VWA5A: variants seen among roughly 807,000 people sequenced by gnomAD.
VWA5A encodes the protein von Willebrand factor A domain containing 5A, also known as von Willebrand factor A domain-containing protein 5A.
VWA5A carries 77 observed loss-of-function variants against 84.6 expected under a neutral mutation model. That is an observed-to-expected ratio of 0.91 (90% confidence interval 0.76 to 1.10). The LOEUF (loss-of-function observed/expected upper bound fraction) is 1.10. Ranked by LOEUF, VWA5A falls within the 50% of genes least tolerant of loss-of-function variation. The pLI is 0.00. For synonymous variants in VWA5A, 334 were observed against 350.1 expected (o/e 0.95, Z 0.51); for missense variants, 973 against 963.0 (o/e 1.01, Z -0.14).
chr11:124,141,689 G>A lies in VWA5A; in HGVS notation c.1971G>A (p.Met657Ile), dbSNP rs1246523567. The A allele has an allele frequency of 2.5e-6, 4 of 1,614,028 alleles. No homozygotes were observed. The highest frequency in any genetic ancestry group is 3.4e-6 in the Non-Finnish European group (4 of 1,180,044). ...GTTATAAGGCCAAGACATTCCAGAT[G>A]GACGATTACAGTCTCTGTGGGTTGA... ...LMCYKAKTFQ[M>I]DDYSLCGLIS... The change falls in exon 16 of 19, where the codon ATG becomes ATA. Residue 657 changes from methionine (M) to isoleucine (I), a missense_variant. Coordinates refer to ENST00000456829, the MANE Select transcript of VWA5A (RefSeq NM_001130142.2).
At chr11:124,135,251 G>A (rs1406372610) in intron 12 of VWA5A, among the ~76,000 whole-genome samples, 1 of 152,232 alleles carries the variant, frequency 6.6e-6, no homozygotes. Flanking sequence ...TCTGGTCCCA[G>A]TAGCTGCAAG....
intron 7 of VWA5A, among the ~76,000 whole-genome samples, chr11:124,121,155 T>C (rs1428429707): frequency 6.6e-6 from 1 of 152,192 alleles, no homozygotes; most frequent in African/African-American, 2.4e-5. Flanking sequence ...TACAGATATA[T>C]GACAAAAACA....
chr11:124,127,564 G>T (rs989679703), intron 11 of VWA5A, among the ~76,000 whole-genome samples: 4 of 152,094 alleles, frequency 2.6e-5, no homozygotes, highest in African/African-American at 9.7e-5. Flanking sequence ...TGATATTTCT[G>T]GTTCTAGATC....
Position 124,117,684 on chromosome 11 carries a change from A to G in VWA5A, c.55A>G (p.Ser19Gly), listed in dbSNP as rs1221080576. 1.9e-6 allele frequency: 3 copies of G among 1,614,076 alleles called. No individual in the cohort carries two copies. The South Asian group carries it at 3.3e-5, about 18-fold the overall frequency. Residue 19 changes from serine to glycine, a missense_variant, in exon 4 of 19, where the codon AGT (serine) becomes GGT (glycine). Coordinates refer to ENST00000456829, the MANE Select transcript of VWA5A (RefSeq NM_001130142.2). ...TLHREPVPLK[S>G]ISVSVNIYEF... is the part of the protein sequence containing the mutation. ...TGGTCTATCTCCAGTGCCGCTGAAG[A>G]GTATCTCTGTGAGCGTGAACATTTA...
Position 124,118,291 on chromosome 11 carries a change from C to A in VWA5A, c.349C>A (p.Leu117Ile). Reference protein sequence around the residue: ...RDVFSCNVGNLQPGSKAAVTL... With the variant: ...RDVFSCNVGNIQPGSKAAVTL... The stretch of plus-strand genomic sequence containing the variant: ...TGTCTTCTCTTGCAATGTGGGTAAC[C>A]TCCAACCTGGGTCGAAGGCGGCAGT... The change falls in exon 5 of 19, where the codon CTC becomes ATC. Residue 117 changes from leucine (L) to isoleucine (I), a missense_variant. Leu to Ile is a conservative substitution (Grantham distance 5, BLOSUM62 2). Transcript: ENST00000456829. 1 of 1,614,168 alleles carries A rather than the reference C, an allele frequency of 6.2e-7. No individual in the cohort carries two copies. The highest frequency in any genetic ancestry group is 2.2e-5 in the East Asian group (1 of 44,874).
At chr11:124,122,059 A>G (rs1864940286) in intron 7 of VWA5A, among the ~76,000 whole-genome samples, 2 of 152,246 alleles carry the variant, frequency 1.3e-5, no homozygotes, top group African/African-American at 4.8e-5. Context: ...CCTATGGAGA[A>G]GAAATTAAAC....
Position 124,118,163 on chromosome 11 carries a change from C to A in VWA5A, c.247-26C>A, listed in dbSNP as rs375463518. On this transcript the variant is annotated intron_variant, in intron 4 of 18. Transcript: ENST00000456829. ...GTCACCTTGGATGTTCCCTTTCTTTCCCATCCCTCGCCCTGTGCTTCTCAG... is the reference window on the plus strand; with the variant it reads ...GTCACCTTGGATGTTCCCTTTCTTTACCATCCCTCGCCCTGTGCTTCTCAG... The A allele has an allele frequency of 2.4e-5, 38 of 1,603,494 alleles. No homozygotes were observed. In the Admixed American group the frequency reaches 2.7e-4, roughly 11 times the overall value.
At chr11:124,118,053 C>A in intron 4 of VWA5A, 136 bp from the exon 5 acceptor site, 1 of 1,269,496 alleles carries the variant, frequency 7.9e-7, no homozygotes, top group Non-Finnish European at 1.1e-6. Context: ...GGAAAGAAAT[C>A]AATCAGAGGC....
At chr11:124,139,262 C>T (rs1860680214) in intron 15 of VWA5A, among the ~76,000 whole-genome samples, 1 of 112,792 alleles carries the variant, frequency 8.9e-6, no homozygotes, top group South Asian at 2.7e-4. Context: ...TGTGTGTTTT[C>T]TCAAGGTTAC....
intron 7 of VWA5A, among the ~76,000 whole-genome samples, chr11:124,122,298 G>A (rs1864943798): frequency 6.6e-6 from 1 of 152,134 alleles, no homozygotes; most frequent in South Asian, 2.1e-4. Context: ...CACAGCTGTG[G>A]CTTTGACAAC....
intron 11 of VWA5A, among the ~76,000 whole-genome samples, chr11:124,134,442 G>A (rs1165195358): frequency 1.3e-5 from 2 of 152,140 alleles, no homozygotes; most frequent in African/African-American, 4.8e-5. Context: ...CTAAGGCAGG[G>A]CAAGAACTCT....
chr11:124,142,341 T>C, intron 16 of VWA5A, 101 bp from the exon 17 acceptor site: 1 of 1,468,830 alleles, frequency 6.8e-7, no homozygotes, highest in Non-Finnish European at 9.2e-7. Context: ...ATTGCATTCT[T>C]GCTATGGCCT....
intron 11 of VWA5A, chr11:124,124,673 T>A: frequency 3.5e-6 from 2 of 575,818 alleles, no homozygotes; most frequent in Non-Finnish European, 4.5e-6. Context: ...ATGCACTGTG[T>A]GATCGCCACA....
At chr11:124,125,269 C>T (rs1273418164) in intron 11 of VWA5A, among the ~76,000 whole-genome samples, 5 of 149,750 alleles carry the variant, frequency 3.3e-5, no homozygotes, top group African/African-American at 2.4e-5. Context: ...GTGTGTGTGT[C>T]GTGGTGTCTT....
At position 124,123,009 on chromosome 11, in the gene VWA5A, C is replaced by T. The variant is rs267602752; in HGVS notation, c.810C>T (p.Ile270=). The change falls in exon 8 of 19, where the codon ATC becomes ATT. Residue 270 remains isoleucine, a synonymous_variant. Coordinates refer to ENST00000456829, the MANE Select transcript of VWA5A (RefSeq NM_001130142.2). ...CAATGGTGAGTTTCTATCCAAATAT[C>T]CCAGAAGATCAACCATCAAATACCT... ...PSAMVSFYPN[I]PEDQPSNTCG... is the part of the protein sequence containing the mutation. 6.2e-7 allele frequency: 1 copy of T among 1,614,060 alleles called. No homozygotes were observed. Among genetic ancestry groups the T allele is most frequent in the Non-Finnish European group, 8.5e-7 (1 of 1,179,996 alleles).
intron 11 of VWA5A, among the ~76,000 whole-genome samples, chr11:124,131,588 A>C (rs532182356): frequency 2.0e-5 from 3 of 151,914 alleles, no homozygotes; most frequent in Non-Finnish European, 4.4e-5. Context: ...AGTATTTTTT[A>C]ATAATTTTAT....
chr11:124,122,703 G>A (rs1864949405), intron 7 of VWA5A, among the ~76,000 whole-genome samples: 1 of 152,150 alleles, frequency 6.6e-6, no homozygotes, highest in Admixed American at 6.5e-5. Flanking sequence ...AGTAATCAGT[G>A]ACAATGTTTT....
At chr11:124,123,509 C>CT in intron 9 of VWA5A, 55 bp downstream of exon 9, 1 of 1,604,206 alleles carries the variant, frequency 6.2e-7, no homozygotes, top group Non-Finnish European at 8.5e-7. Context: ...AAGAAAGGGA[C>CT]TAAATTGTTA....
In VWA5A at chr11:124,141,667, A is replaced by G. The variant is rs757270345; in HGVS notation, c.1949A>G (p.Tyr650Cys). Reference sequence around the variant, plus strand: ...CAGCCCAGAGGGGAACTTATGTGTTATAAGGCCAAGACATTCCAGATGGAC... The same window carrying G: ...CAGCCCAGAGGGGAACTTATGTGTTGTAAGGCCAAGACATTCCAGATGGAC... ...ASQPRGELMCYKAKTFQMDDY... is the reference protein window; with the variant it reads ...ASQPRGELMCCKAKTFQMDDY... Residue 650 changes from tyrosine (Y) to cysteine (C), a missense_variant, in exon 16 of 19, where the codon TAT becomes TGT. By Grantham distance (194) the Tyr-to-Cys change is radical. Coordinates refer to ENST00000456829, the MANE Select transcript of VWA5A (RefSeq NM_001130142.2). The G allele has an allele frequency of 2.5e-6, 4 of 1,614,154 alleles. No homozygotes were observed. The highest frequency in any genetic ancestry group is 3.4e-6 in the Non-Finnish European group (4 of 1,180,028).
Sources: gnomAD v4.1 joint callset for allele counts (sites outside exome capture counted in the v4.1 genomes callset) on GRCh38, gnomAD v4.1.1 for gene constraint, MANE v1.5 for transcripts, NCBI Gene and HGNC (gene_info 2026-07-23, HGNC 2026-07-21) for gene names.